TDRD3: variants seen among roughly 807,000 people sequenced by gnomAD.
The protein encoded by TDRD3 is tudor domain-containing protein 3.
In TDRD3, 45 loss-of-function variants were observed where a neutral mutation model predicts 86.7. The observed-to-expected ratio is 0.52, with a 90% CI of 0.41 to 0.67. TDRD3 has a LOEUF of 0.67. TDRD3 is among the 30% of genes least tolerant of loss of function. TDRD3 has a pLI of 0.00. For synonymous variants in TDRD3, 298 were observed against 301.7 expected (o/e 0.99, Z 0.13); for missense variants, 814 against 889.0 (o/e 0.92, Z 1.07).
chr13:60,435,638 A>C (rs558601282), intron 1 of TDRD3, among the ~76,000 whole-genome samples: 1 of 152,282 alleles, frequency 6.6e-6, no homozygotes, highest in African/African-American at 2.4e-5. Context: ...TCTATGGTGT[A>C]TATATGCCAC....
chr13:60,460,383 G>C lies in TDRD3; in HGVS notation c.196G>C (p.Glu66Gln). Residue 66 changes from glutamate (E) to glutamine (Q), a missense_variant, in exon 4 of 14, where the codon GAA becomes CAA. Coordinates refer to ENST00000377881, the MANE Select transcript of TDRD3 (RefSeq NM_001146070.2). ...TTATTCTTTTCTGTTTTGACAGCTC[G>C]AAGGTCCATGTGTTTTGCAAATTCA... ...DINSGKVEKL[E>Q]GPCVLQIQKI... 1 of 1,598,074 alleles carries C rather than the reference G, an allele frequency of 6.3e-7. No homozygotes were observed.
At chr13:60,430,432 A>G (rs1954925008) in intron 1 of TDRD3, among the ~76,000 whole-genome samples, 1 of 152,170 alleles carries the variant, frequency 6.6e-6, no homozygotes, top group Non-Finnish European at 1.5e-5. Context: ...TTGCTGAGAA[A>G]AAGAGGACAG....
intron 10 of TDRD3, among the ~76,000 whole-genome samples, chr13:60,511,926 A>C (rs1259073683): frequency 1.3e-5 from 2 of 152,060 alleles, no homozygotes; most frequent in Non-Finnish European, 2.9e-5. Context: ...TGACTTAATG[A>C]GTACTTTTGT....
At chr13:60,571,485 T>A (rs1320097018) in intron 13 of TDRD3, among the ~76,000 whole-genome samples, 1 of 152,192 alleles carries the variant, frequency 6.6e-6, no homozygotes, top group Non-Finnish European at 1.5e-5. Flanking sequence ...GGTTTTGTTA[T>A]CTGAAATTAT....
chr13:60,430,735 A>G (rs575923724), intron 1 of TDRD3, among the ~76,000 whole-genome samples: 1 of 152,044 alleles, frequency 6.6e-6, no homozygotes, highest in Non-Finnish European at 1.5e-5. Context: ...AGCTGTTACA[A>G]TTTTTTTAAT....
At chr13:60,567,871 C>A (rs1958500245) in intron 13 of TDRD3, among the ~76,000 whole-genome samples, 2 of 151,078 alleles carry the variant, frequency 1.3e-5, no homozygotes, top group African/African-American at 4.9e-5. Context: ...TTACAGGCAT[C>A]CACCACCATG....
At chr13:60,502,597 T>G (rs1425112276) in intron 8 of TDRD3, among the ~76,000 whole-genome samples, 1 of 152,192 alleles carries the variant, frequency 6.6e-6, no homozygotes, top group East Asian at 1.9e-4. Context: ...CTTTTAAAGC[T>G]GAGCTCAGCC....
intron 8 of TDRD3, among the ~76,000 whole-genome samples, chr13:60,496,158 C>G (rs1956707479): frequency 1.3e-5 from 2 of 151,214 alleles, no homozygotes; most frequent in Admixed American, 1.3e-4. Context: ...TTATCCTGTG[C>G]TGGATGCTTC....
At chr13:60,503,255 C>G (rs1287562130) in intron 8 of TDRD3, among the ~76,000 whole-genome samples, 3 of 152,134 alleles carry the variant, frequency 2.0e-5, no homozygotes, top group African/African-American at 7.2e-5. Flanking sequence ...CTATTAGAAT[C>G]CTGCATTTGA....
At chr13:60,486,540 C>T (rs986047318) in intron 7 of TDRD3, among the ~76,000 whole-genome samples, 7 of 151,964 alleles carry the variant, frequency 4.6e-5, no homozygotes, top group African/African-American at 9.7e-5. Context: ...TATTTTGATA[C>T]GTGTATACAA....
chr13:60,493,985 G>A (rs1423302959), intron 7 of TDRD3, among the ~76,000 whole-genome samples: 2 of 152,108 alleles, frequency 1.3e-5, no homozygotes, highest in African/African-American at 4.8e-5. Flanking sequence ...TCAATCTAAT[G>A]TTCAAACTTG....
intron 13 of TDRD3, among the ~76,000 whole-genome samples, chr13:60,571,696 A>G (rs1958588996): frequency 6.6e-6 from 1 of 152,156 alleles, no homozygotes; most frequent in South Asian, 2.1e-4. Flanking sequence ...TGATTATCCT[A>G]AAACTTTTTT....
At chr13:60,404,341 C>T (rs1288480296) in intron 1 of TDRD3, among the ~76,000 whole-genome samples, 24 of 142,654 alleles carry the variant, frequency 1.7e-4, no homozygotes, top group Admixed American at 7.7e-4. Flanking sequence ...GACGGAGTCT[C>T]GCTCTGTCAC....
At chr13:60,441,344 A>G (rs902315249) in intron 2 of TDRD3, among the ~76,000 whole-genome samples, 1 of 152,156 alleles carries the variant, frequency 6.6e-6, no homozygotes, top group African/African-American at 2.4e-5. Flanking sequence ...GAAAATTTGA[A>G]TAAAATAAAT....
At chr13:60,508,002 A>G (rs1323734929) in intron 8 of TDRD3, among the ~76,000 whole-genome samples, 1 of 152,216 alleles carries the variant, frequency 6.6e-6, no homozygotes, top group African/African-American at 2.4e-5. Context: ...GAGCCAAATC[A>G]TGAGTGAACT....
chr13:60,543,474 G>A (rs1000528505), intron 12 of TDRD3, among the ~76,000 whole-genome samples: 1 of 151,968 alleles, frequency 6.6e-6, no homozygotes, highest in East Asian at 1.9e-4. Context: ...TGTGTTTCAC[G>A]AAGTTATTTT....
chr13:60,524,466 C>CA (rs1225260613), intron 10 of TDRD3, among the ~76,000 whole-genome samples: 2 of 151,084 alleles, frequency 1.3e-5, no homozygotes, highest in African/African-American at 2.4e-5. Context: ...GAGACTGCAC[C>CA]ACTGTACTCC....
intron 7 of TDRD3, among the ~76,000 whole-genome samples, chr13:60,491,923 T>C (rs1043809980): frequency 2.0e-5 from 3 of 152,070 alleles, no homozygotes; most frequent in Admixed American, 1.3e-4. Context: ...TAGGGAAATA[T>C]GGTAAGATTG....
chr13:60,428,334 GCATATCT>G (rs1954862611), intron 1 of TDRD3, among the ~76,000 whole-genome samples: 1 of 151,668 alleles, frequency 6.6e-6, no homozygotes, highest in South Asian at 2.1e-4. Flanking sequence ...TAGGACATAA[GCATATCT>G]TTTTGTGGGC....
Sources: allele counts gnomAD v4.1 joint callset (sites outside exome capture counted in the v4.1 genomes callset), GRCh38; gene constraint gnomAD v4.1.1; transcripts MANE v1.5; gene names NCBI Gene and HGNC (gene_info 2026-07-23, HGNC 2026-07-21).